Variants in MINPP1 observed in about 807,000 individuals in gnomAD.
The protein encoded by MINPP1 is multiple inositol polyphosphate phosphatase 1.
Under a neutral mutation model 46.1 loss-of-function variants are expected in MINPP1, and 28 were observed. The ratio of observed to expected loss-of-function variants is 0.61; its 90% confidence interval spans 0.45 to 0.83. MINPP1 has a LOEUF of 0.83. Among genes scored for constraint, MINPP1 ranks in the 40% least tolerant of loss-of-function variants. MINPP1 has a pLI of 0.00. For missense variants in MINPP1, 603 were observed against 610.0 expected, an observed-to-expected ratio of 0.99 and a Z score of 0.12; for synonymous variants, 268 against 249.1, an observed-to-expected ratio of 1.08 and a Z score of -0.72.
At position 87,552,512 on chromosome 10, in the gene MINPP1, C is replaced by T. The variant is rs1487414096; in HGVS notation, c.*34C>T. The stretch of plus-strand genomic sequence containing the variant: ...AGAACATTTTTAATTCTTTAGGAAT[C>T]TGCAATGAGTGATTACATGCTTGTA... On this transcript the variant is annotated 3_prime_UTR_variant, in exon 5 of 5. Coordinates refer to ENST00000371996, the MANE Select transcript of MINPP1 (RefSeq NM_004897.5). The T allele has an allele frequency of 6.3e-7, 1 of 1,598,668 alleles. No individual in the cohort carries two copies. Among genetic ancestry groups the T allele is most frequent in the African/African-American group, 1.3e-5 (1 of 74,628 alleles).
chr10:87,524,831 G>T (rs550637132), intron 4 of MINPP1, among the ~76,000 whole-genome samples: 1 of 152,174 alleles, frequency 6.6e-6, no homozygotes, highest in East Asian at 1.9e-4. Flanking sequence ...TTATATGGGT[G>T]GGGTTCATGG....
Position 87,516,147 on chromosome 10 carries a change from T to G in MINPP1, c.933+2926T>G, listed in dbSNP as rs1851411823. ...CCTGGCCAAGAATGTTTTTTACAAT[T>G]AAAAATTAATAGACATTTATGAAAT... On this transcript the variant is annotated intron_variant, in intron 3 of 4. Transcript: ENST00000371996. Among the ~76,000 whole-genome samples the G allele has an allele frequency of 1.9e-5, 2 of 104,108 alleles. 1 individual carries two copies. Among genetic ancestry groups the G allele is most frequent in the South Asian group, 7.1e-4 (2 of 2,802 alleles). The allele number at this position is 104,108 out of a possible 152,430, so 68.3% of individuals were successfully genotyped here.
Position 87,510,935 on chromosome 10 carries a change from A to T in MINPP1, c.836-2189A>T, listed in dbSNP as rs12249817. Among the ~76,000 whole-genome samples the T allele has an allele frequency of 3.3e-5, 5 of 152,226 alleles. No individual in the cohort carries two copies. The East Asian group carries it at 9.6e-4, about 29-fold the overall frequency. ...AGTATATGAGAATGTTCATTTTCCC[A>T]TATCTTCCAACAGTAGATATTATTA... is the stretch of plus-strand genomic sequence containing the variant. On this transcript the variant is annotated intron_variant, in intron 2 of 4. Coordinates refer to ENST00000371996, the MANE Select transcript of MINPP1 (RefSeq NM_004897.5).
chr10:87,515,108 C>T (rs765999958), intron 3 of MINPP1, among the ~76,000 whole-genome samples: 46 of 151,156 alleles, frequency 3.0e-4, no homozygotes, highest in Non-Finnish European at 7.4e-5. Context: ...ACTTCTTGGC[C>T]GGGCGTGGTG....
chr10:87,530,901 G>C (rs1302171294), intron 4 of MINPP1, among the ~76,000 whole-genome samples: 1 of 152,182 alleles, frequency 6.6e-6, no homozygotes, highest in African/African-American at 2.4e-5. Flanking sequence ...CCTCAGCAAT[G>C]GTGGACGCCC....
At chr10:87,532,615 A>T (rs1025822646) in intron 4 of MINPP1, among the ~76,000 whole-genome samples, 8 of 152,232 alleles carry the variant, frequency 5.3e-5, no homozygotes, top group South Asian at 2.1e-4. Flanking sequence ...ATTTTAAAAG[A>T]TGCTTATTTT....
chr10:87,552,819 A>G lies in MINPP1; in HGVS notation c.*341A>G. Reference sequence around the variant, plus strand: ...ACTTGAAAAGTGCTGGAGTAACAAAATATCTCAGTTGGACCATCCTTAACT... The same window carrying G: ...ACTTGAAAAGTGCTGGAGTAACAAAGTATCTCAGTTGGACCATCCTTAACT... On this transcript the variant is annotated 3_prime_UTR_variant, in exon 5 of 5. Transcript: ENST00000371996. 3.2e-6 allele frequency: 1 copy of G among 309,806 alleles called. No homozygotes were observed. 19.2% of individuals were successfully genotyped at this position (309,806 alleles called of 1,614,324 possible).
At chr10:87,507,649 G>A (rs1044163843) in intron 1 of MINPP1, among the ~76,000 whole-genome samples, 6 of 152,082 alleles carry the variant, frequency 3.9e-5, no homozygotes, top group Non-Finnish European at 5.9e-5. Flanking sequence ...TGAAAAAAAC[G>A]TAAAGGGCAC....
intron 1 of MINPP1, among the ~76,000 whole-genome samples, chr10:87,506,692 C>G (rs147806379): frequency 7.1e-4 from 108 of 152,250 alleles, no homozygotes; most frequent in African/African-American, 2.5e-3. Flanking sequence ...GATGAGCAAG[C>G]ATTAATAGTT....
intron 4 of MINPP1, among the ~76,000 whole-genome samples, chr10:87,525,868 C>T (rs769995285): frequency 1.8e-4 from 27 of 152,216 alleles, no homozygotes; most frequent in Non-Finnish European, 2.4e-4. Flanking sequence ...ATCCATGTGC[C>T]TACAAAGGAC....
chr10:87,537,757 G>A (rs1489801903), intron 4 of MINPP1, among the ~76,000 whole-genome samples: 3 of 151,670 alleles, frequency 2.0e-5, no homozygotes, highest in African/African-American at 7.3e-5. Flanking sequence ...CTGTTTTTTT[G>A]TGTTAGCTTT....
At chr10:87,545,873 C>G (rs1039369613) in intron 4 of MINPP1, among the ~76,000 whole-genome samples, 3 of 152,168 alleles carry the variant, frequency 2.0e-5, no homozygotes, top group Non-Finnish European at 4.4e-5. Context: ...TCTCTTTCTT[C>G]TAAGCAAGAG....
intron 4 of MINPP1, among the ~76,000 whole-genome samples, chr10:87,539,273 A>G (rs1489068678): frequency 2.0e-5 from 3 of 152,242 alleles, no homozygotes; most frequent in South Asian, 2.1e-4. Flanking sequence ...CAAAATATGT[A>G]TCTTTTCAAG....
intron 4 of MINPP1, among the ~76,000 whole-genome samples, chr10:87,541,735 C>G (rs552048700): frequency 2.0e-5 from 3 of 152,326 alleles, no homozygotes; most frequent in South Asian, 4.1e-4. Flanking sequence ...CAGTGTACCA[C>G]ATGGTGAGAG....
chr10:87,508,889 C>A (rs955188735), intron 2 of MINPP1, among the ~76,000 whole-genome samples: 3 of 151,734 alleles, frequency 2.0e-5, no homozygotes, highest in Non-Finnish European at 2.9e-5. Flanking sequence ...CATATAAATT[C>A]TTTAGCTTTT....
chr10:87,508,077 CA>C, intron 1 of MINPP1: 1 of 1,472,470 alleles, frequency 6.8e-7, no homozygotes. Flanking sequence ...GATGCAATTT[CA>C]TTGCGTAGCA....
intron 4 of MINPP1, among the ~76,000 whole-genome samples, chr10:87,530,801 G>A (rs1390702495): frequency 6.6e-6 from 1 of 152,214 alleles, no homozygotes. Flanking sequence ...GCCCCCAGAG[G>A]TGGAGTCTAC....
At position 87,505,056 on chromosome 10, in the gene MINPP1, C is replaced by T. The variant is rs771271755; in HGVS notation, c.141C>T (p.Phe47=). The change falls in exon 1 of 5, where the codon TTC becomes TTT. Residue 47 remains phenylalanine (F), a synonymous_variant. Coordinates refer to ENST00000371996, the MANE Select transcript of MINPP1 (RefSeq NM_004897.5). This position sits in a 1 kb window ranked among gnomAD's most constrained non-coding sequence, Gnocchi z 4.4. ...TGGCCTCGTCGCTCAGCCCCTATTT[C>T]GGCACCAAGACTCGCTACGAGGATG... ...DPVASSLSPY[F]GTKTRYEDVN... 5.6e-6 allele frequency: 9 copies of T among 1,613,362 alleles called. No homozygotes were observed. In the African/African-American group the frequency reaches 6.7e-5, roughly 12 times the overall value.
chr10:87,538,893 C>T (rs1851775374), intron 4 of MINPP1, among the ~76,000 whole-genome samples: 2 of 152,106 alleles, frequency 1.3e-5, no homozygotes, highest in Non-Finnish European at 1.5e-5. Flanking sequence ...GGAAAACATG[C>T]AATTATTAGT....
Sources: gnomAD v4.1 joint callset for allele counts (sites outside exome capture counted in the v4.1 genomes callset) on GRCh38, gnomAD v4.1.1 for gene constraint, Gnocchi (gnomAD v3.1) non-coding constraint, MANE v1.5 for transcripts, NCBI Gene and HGNC (gene_info 2026-07-23, HGNC 2026-07-21) for gene names.